The following CERS6 variants were observed in gnomAD, a reference collection of about 807,000 sequenced individuals.
The protein encoded by CERS6 is ceramide synthase 6, also known as LAG1 homolog, ceramide synthase 6.
In CERS6, 26 loss-of-function variants were observed where a neutral mutation model predicts 56.8. The ratio of observed to expected loss-of-function variants is 0.46; its 90% CI spans 0.34 to 0.63. CERS6 has a LOEUF of 0.63. CERS6 is among the 30% of genes least tolerant of loss of function. The probability of loss-of-function intolerance (pLI) is 0.01; values close to 1 mark genes in which losing one functional copy is unlikely to be tolerated. For synonymous variants in CERS6, 164 were observed against 173.3 expected, an observed-to-expected ratio of 0.95 and a Z score of 0.42; for missense variants, 415 against 467.5, an observed-to-expected ratio of 0.89 and a Z score of 1.04.
chr2:168,728,624 C>G (rs542717387), intron 8 of CERS6, among the ~76,000 whole-genome samples: 27 of 151,288 alleles, frequency 1.8e-4, no homozygotes, highest in Middle Eastern at 3.5e-3. Context: ...TGACCTCAGG[C>G]AATTACTCTT....
intron 2 of CERS6, among the ~76,000 whole-genome samples, chr2:168,555,422 A>T (rs1376129026): frequency 6.6e-6 from 1 of 152,118 alleles, no homozygotes; most frequent in South Asian, 2.1e-4. Flanking sequence ...TAAACATTAG[A>T]ACAAGAACAA....
intron 1 of CERS6, among the ~76,000 whole-genome samples, chr2:168,479,678 G>A (rs1348185602): frequency 1.3e-5 from 2 of 152,014 alleles, no homozygotes; most frequent in African/African-American, 2.4e-5. Flanking sequence ...GCGCGATCTC[G>A]GCTCACTGCA....
chr2:168,660,617 A>T (rs961647183), intron 4 of CERS6, among the ~76,000 whole-genome samples: 5 of 147,438 alleles, frequency 3.4e-5, no homozygotes, highest in African/African-American at 1.2e-4. Flanking sequence ...CACTGGAATT[A>T]AAAAAAAAAA....
intron 3 of CERS6, among the ~76,000 whole-genome samples, chr2:168,569,143 A>G (rs1230762758): frequency 6.6e-6 from 1 of 152,182 alleles, no homozygotes; most frequent in African/African-American, 2.4e-5. Context: ...CCCAGGTGAC[A>G]TAAGTTTGGT....
chr2:168,634,515 C>T (rs567210160), intron 4 of CERS6, among the ~76,000 whole-genome samples: 9 of 152,102 alleles, frequency 5.9e-5, no homozygotes, highest in Non-Finnish European at 1.0e-4. Context: ...TGGGTTCAAA[C>T]GATTCTTGTG....
Position 168,456,404 on chromosome 2 carries a change from C to T in CERS6, c.-45C>T. 2.6e-6 allele frequency: 4 copies of T among 1,528,212 alleles called. No individual in the cohort carries two copies. The highest frequency in any genetic ancestry group is 2.6e-5 in the East Asian group (1 of 38,746). 94.7% of individuals were successfully genotyped at this position (1,528,212 alleles called of 1,614,324 possible). A position where few individuals can be genotyped will look rare whatever the true frequency, so the allele number is the denominator to read the frequency against. On this transcript the variant is annotated 5_prime_UTR_variant, in exon 1 of 10. Coordinates refer to ENST00000305747, the MANE Select transcript of CERS6 (RefSeq NM_203463.3). The surrounding 1 kb of genome is among the most constrained non-coding windows in gnomAD (Gnocchi z 4.1). ...CCCGGGCGCCCTGCGCGGTGGAGAG[C>T]TTGGCGGGCTGCGGGTGCCGCAGGA...
chr2:168,587,702 G>A (rs956789363), intron 3 of CERS6, among the ~76,000 whole-genome samples: 1 of 151,846 alleles, frequency 6.6e-6, no homozygotes, highest in African/African-American at 2.4e-5. Flanking sequence ...GGCAAAGTTG[G>A]TGTGATTAAT....
chr2:168,532,202 CT>C (rs1453941435), intron 1 of CERS6, among the ~76,000 whole-genome samples: 1 of 152,142 alleles, frequency 6.6e-6, no homozygotes, highest in Non-Finnish European at 1.5e-5. Flanking sequence ...CCATCCTCCC[CT>C]ATCTCTGTCC....
Position 168,456,679 on chromosome 2 carries a change from C to T in CERS6, c.170+61C>T, listed in dbSNP as rs1693666710. 3 of 1,523,578 alleles carry T rather than the reference C, an allele frequency of 2.0e-6. No homozygotes were observed. Among genetic ancestry groups the T allele is most frequent in the Non-Finnish European group, 2.7e-6 (3 of 1,116,560 alleles). The allele number at this position is 1,523,578 out of a possible 1,614,324, so 94.4% of individuals were successfully genotyped here. On this transcript the variant is annotated intron_variant, in intron 1 of 9. Coordinates refer to ENST00000305747, the MANE Select transcript of CERS6 (RefSeq NM_203463.3). The surrounding 1 kb of genome is among the most constrained non-coding windows in gnomAD (Gnocchi z 4.1). Reference sequence around the variant, plus strand: ...GCGCACACACACGCGCGCACACACTCGCGCGCTCTCTGGCGCACGCCCCCG... The same window carrying T: ...GCGCACACACACGCGCGCACACACTTGCGCGCTCTCTGGCGCACGCCCCCG...
At chr2:168,698,818 A>G (rs1368828296) in intron 6 of CERS6, among the ~76,000 whole-genome samples, 1 of 152,186 alleles carries the variant, frequency 6.6e-6, no homozygotes, top group African/African-American at 2.4e-5. Context: ...AAGTTTGTGG[A>G]ATTGATCCTA....
intron 4 of CERS6, among the ~76,000 whole-genome samples, chr2:168,653,193 A>G (rs773250781): frequency 9.9e-5 from 15 of 152,248 alleles, no homozygotes; most frequent in Non-Finnish European, 1.6e-4. Flanking sequence ...GAAGAAAAAT[A>G]GAATATGCTG....
chr2:168,760,737 T>G (rs1309035965), intron 8 of CERS6, among the ~76,000 whole-genome samples: 1 of 146,490 alleles, frequency 6.8e-6, no homozygotes, highest in Non-Finnish European at 1.5e-5. Context: ...GTTTACTGTT[T>G]GTTTATTTAT....
chr2:168,682,592 T>G (rs1686246866), intron 4 of CERS6, among the ~76,000 whole-genome samples: 1 of 152,162 alleles, frequency 6.6e-6, no homozygotes, highest in South Asian at 2.1e-4. Flanking sequence ...GGGCCATATT[T>G]CTGCTCTTTC....
At chr2:168,750,419 C>T (rs1345975579) in intron 8 of CERS6, among the ~76,000 whole-genome samples, 1 of 152,030 alleles carries the variant, frequency 6.6e-6, no homozygotes, top group Non-Finnish European at 1.5e-5. Context: ...CTGAGATAAC[C>T]ACTGTTGATT....
At chr2:168,766,985 T>G (rs1684746922) in intron 9 of CERS6, among the ~76,000 whole-genome samples, 1 of 152,282 alleles carries the variant, frequency 6.6e-6, no homozygotes, top group Non-Finnish European at 1.5e-5. Flanking sequence ...AATGAACATG[T>G]ATTTCTATTT....
At chr2:168,692,864 T>A (rs2105363193) in intron 5 of CERS6, among the ~76,000 whole-genome samples, 1 of 152,230 alleles carries the variant, frequency 6.6e-6, no homozygotes, top group South Asian at 2.1e-4. Flanking sequence ...TCCAAGTCAG[T>A]CTCTAGCCTT....
At position 168,647,825 on chromosome 2, in the gene CERS6, G is replaced by A. The variant is rs549702646; in HGVS notation, c.465+16783G>A. On this transcript the variant is annotated intron_variant, in intron 4 of 9. Coordinates refer to ENST00000305747, the MANE Select transcript of CERS6 (RefSeq NM_203463.3). ...TGATGGATCACATTTATTGATTTGC[G>A]TATGTTGAACCAACTTTGCATCCCG... Among the ~76,000 whole-genome samples, 14 of 152,198 alleles carry A rather than the reference G, an allele frequency of 9.2e-5. No homozygotes were observed. In the East Asian group the frequency reaches 1.5e-3, roughly 17 times the overall value.
chr2:168,546,266 A>G (rs1695464094), intron 1 of CERS6, among the ~76,000 whole-genome samples: 1 of 152,202 alleles, frequency 6.6e-6, no homozygotes, highest in Admixed American at 6.5e-5. Flanking sequence ...AAAATTTTAC[A>G]TTAAACAGAA....
chr2:168,754,008 C>T (rs941436821), intron 8 of CERS6, among the ~76,000 whole-genome samples: 3 of 152,026 alleles, frequency 2.0e-5, no homozygotes, highest in Admixed American at 6.6e-5. Flanking sequence ...GATGCGGGGG[C>T]GGGGTATGGA....
Sources: gnomAD v4.1 joint callset for allele counts (sites outside exome capture counted in the v4.1 genomes callset) on GRCh38, gnomAD v4.1.1 for gene constraint, Gnocchi (gnomAD v3.1) non-coding constraint, MANE v1.5 for transcripts, NCBI Gene and HGNC (gene_info 2026-07-23, HGNC 2026-07-21) for gene names.